The following ARHGEF28 variants were observed in gnomAD, a reference collection of about 807,000 sequenced individuals.
The protein encoded by ARHGEF28 is Rho guanine nucleotide exchange factor 28.
A neutral mutation model predicts 206.6 loss-of-function variants in ARHGEF28; 152 were observed. That is an observed-to-expected ratio of 0.74 (90% CI 0.64 to 0.84). ARHGEF28 has a LOEUF of 0.84. Among genes scored for constraint, ARHGEF28 ranks in the 40% least tolerant of loss-of-function variants. The pLI is 0.00. For synonymous variants in ARHGEF28, 763 were observed against 776.4 expected (o/e 0.98, Z 0.29); for missense variants, 2,028 against 2,073.2 (o/e 0.98, Z 0.42).
intron 1 of ARHGEF28, among the ~76,000 whole-genome samples, chr5:73,645,330 T>TA (rs1400624082): frequency 6.6e-6 from 1 of 152,178 alleles, no homozygotes; most frequent in East Asian, 1.9e-4. Context: ...GTCATATTTT[T>TA]AAAAAGTATT....
intron 6 of ARHGEF28, among the ~76,000 whole-genome samples, chr5:73,779,512 C>T (rs2112458057): frequency 6.6e-6 from 1 of 152,180 alleles, no homozygotes; most frequent in Admixed American, 6.5e-5. Context: ...CCTTGATGTT[C>T]TTTTCTCACA....
chr5:73,633,393 T>C (rs1743489221), intron 1 of ARHGEF28, among the ~76,000 whole-genome samples: 1 of 152,016 alleles, frequency 6.6e-6, no homozygotes, highest in African/African-American at 2.4e-5. Context: ...TCAGAGAGAC[T>C]TGGGGAGACT....
chr5:73,734,755 T>TA (rs142087762), intron 2 of ARHGEF28, among the ~76,000 whole-genome samples: 275 of 152,322 alleles, frequency 1.8e-3, no homozygotes, highest in African/African-American at 6.5e-3. Context: ...TTTGCCAAAT[T>TA]AGAGTGAACT....
intron 10 of ARHGEF28, among the ~76,000 whole-genome samples, chr5:73,834,391 T>C (rs577779763): frequency 6.6e-6 from 1 of 152,308 alleles, no homozygotes; most frequent in South Asian, 2.1e-4. Flanking sequence ...TTCTATGAGT[T>C]TGACATTTTT....
At chr5:73,795,088 C>T (rs1197815921) in intron 8 of ARHGEF28, among the ~76,000 whole-genome samples, 1 of 152,144 alleles carries the variant, frequency 6.6e-6, no homozygotes. Context: ...GGGAGATGTC[C>T]TCTGAGAATA....
intron 2 of ARHGEF28, among the ~76,000 whole-genome samples, chr5:73,715,875 AAAG>A (rs1323703316): frequency 6.6e-6 from 1 of 152,218 alleles, no homozygotes; most frequent in East Asian, 1.9e-4. Context: ...CTGGCTTTGC[AAAG>A]AAGGCTTGCC....
Position 73,883,662 on chromosome 5 carries a change from G to A in ARHGEF28, c.2938-105G>A. On this transcript the variant is annotated intron_variant, in intron 23 of 35. Coordinates refer to ENST00000513042, the MANE Select transcript of ARHGEF28 (RefSeq NM_001177693.2). ...TTTAATTGATAGCAATGAATGTTAA[G>A]TCTGCATAAAATTGTACTGTTGCAG... 4 of 587,316 alleles carry A rather than the reference G, an allele frequency of 6.8e-6. No homozygotes were observed. In the East Asian group the frequency reaches 1.3e-4, roughly 19 times the overall value. 36.4% of individuals were successfully genotyped at this position (587,316 alleles called of 1,614,324 possible).
intron 35 of ARHGEF28, among the ~76,000 whole-genome samples, chr5:73,917,651 C>T (rs1363814612): frequency 6.6e-6 from 1 of 152,196 alleles, no homozygotes; most frequent in Non-Finnish European, 1.5e-5. Context: ...CAGAGGCAGC[C>T]AGCCAGCCAT....
At chr5:73,826,787 T>C (rs1481516228) in intron 9 of ARHGEF28, among the ~76,000 whole-genome samples, 1 of 152,184 alleles carries the variant, frequency 6.6e-6, no homozygotes, top group Non-Finnish European at 1.5e-5. Flanking sequence ...TTACTTTCAA[T>C]TGTCTCCCCT....
intron 1 of ARHGEF28, among the ~76,000 whole-genome samples, chr5:73,676,757 A>T (rs1746718888): frequency 6.6e-6 from 1 of 152,150 alleles, no homozygotes; most frequent in South Asian, 2.1e-4. Flanking sequence ...TTAACTTGAT[A>T]AGGGTACATT....
chr5:73,909,616 C>A lies in ARHGEF28; in HGVS notation c.4366C>A (p.Arg1456Ser). 1 of 1,552,300 alleles carries A rather than the reference C, an allele frequency of 6.4e-7. No individual in the cohort carries two copies. The highest frequency in any genetic ancestry group is 1.2e-5 in the South Asian group (1 of 84,326). The change falls in exon 34 of 36, where the codon CGC becomes AGC. Residue 1456 changes from arginine to serine, a missense_variant. Around this residue, in one of 3 missense-constraint regions of ARHGEF28, gnomAD observed 803 missense variants for 768.0 expected, o/e 1.05. Coordinates refer to ENST00000513042, the MANE Select transcript of ARHGEF28 (RefSeq NM_001177693.2). ...QLQQEQRRWLRRCEQQQRAQA... is the reference protein window; with the variant it reads ...QLQQEQRRWLSRCEQQQRAQA... ...CCAGCAGGAGCAGCGGCGCTGGCTG[C>A]GCAGGTGTGAGCAGCAGCAGCGGGC...
intron 11 of ARHGEF28, among the ~76,000 whole-genome samples, chr5:73,844,235 G>T (rs1179613797): frequency 6.6e-6 from 1 of 152,160 alleles, no homozygotes; most frequent in African/African-American, 2.4e-5. Flanking sequence ...ATGATGAAAT[G>T]CTGTCTGTAA....
At position 73,716,984 on chromosome 5, in the gene ARHGEF28, G is replaced by A. The variant is rs115156044; in HGVS notation, c.33+32100G>A. Among the ~76,000 whole-genome samples, 912 of 152,078 alleles carry A rather than the reference G, an allele frequency of 6.0e-3. 5 individuals carry two copies. Among genetic ancestry groups the A allele is most frequent in the African/African-American group, 0.021 (851 of 41,486 alleles). ...AAAAAGGATACTGCTGCTTTTAGAT[G>A]TGACTTTTTAATATCCTTGAAATGT... On this transcript the variant is annotated intron_variant, in intron 2 of 35. Coordinates refer to ENST00000513042, the MANE Select transcript of ARHGEF28 (RefSeq NM_001177693.2).
chr5:73,649,572 T>A (rs1237275158), intron 1 of ARHGEF28, among the ~76,000 whole-genome samples: 1 of 152,260 alleles, frequency 6.6e-6, no homozygotes, highest in Non-Finnish European at 1.5e-5. Context: ...CCCAGGGGCA[T>A]GCTCCTAGTG....
At chr5:73,626,954 C>T (rs1306983755) in intron 1 of ARHGEF28, among the ~76,000 whole-genome samples, 1 of 152,182 alleles carries the variant, frequency 6.6e-6, no homozygotes, top group Non-Finnish European at 1.5e-5. Flanking sequence ...GGTGCCCCAG[C>T]CTTCCCGTGC....
intron 9 of ARHGEF28, 172 bp downstream of exon 9, chr5:73,795,563 TCTAGAG>T (rs1754750211): frequency 5.2e-6 from 3 of 577,608 alleles, no homozygotes; most frequent in African/African-American, 3.8e-5. Context: ...ATACTATGAC[TCTAGAG>T]GTTGAGACTC....
chr5:73,887,744 C>A, intron 26 of ARHGEF28, 65 bp downstream of exon 26: 1 of 1,290,962 alleles, frequency 7.7e-7, no homozygotes, highest in Non-Finnish European at 1.1e-6. Flanking sequence ...TTGAAAAATA[C>A]CTAAAATTCC....
intron 35 of ARHGEF28, among the ~76,000 whole-genome samples, chr5:73,917,937 A>G (rs956928203): frequency 2.6e-5 from 4 of 152,256 alleles, no homozygotes; most frequent in Non-Finnish European, 4.4e-5. Flanking sequence ...TATACCAAAC[A>G]TAACTGAAGG....
chr5:73,883,166 CT>C (rs1561483598), intron 23 of ARHGEF28, among the ~76,000 whole-genome samples: 2 of 152,016 alleles, frequency 1.3e-5, no homozygotes, highest in African/African-American at 4.8e-5. Context: ...TATCCCACCC[CT>C]TTTTTCTTCT....
Sources: allele counts gnomAD v4.1 joint callset (sites outside exome capture counted in the v4.1 genomes callset), GRCh38; gene constraint gnomAD v4.1.1; regional missense constraint gnomAD v4.1.1; transcripts MANE v1.5; gene names NCBI Gene and HGNC (gene_info 2026-07-23, HGNC 2026-07-21).